Variants in SLC38A11 observed in about 807,000 individuals in gnomAD.
The protein encoded by SLC38A11 is putative sodium-coupled neutral amino acid transporter 11.
A neutral mutation model predicts 49.4 loss-of-function variants in SLC38A11; 51 were observed. The ratio of observed to expected loss-of-function variants is 1.03; its 90% confidence interval spans 0.83 to 1.30. The LOEUF is 1.30. Ranked by LOEUF, SLC38A11 falls within the 50% of genes most tolerant of loss-of-function variation. SLC38A11 has a pLI of 0.00. For synonymous variants in SLC38A11, 203 were observed against 192.9 expected (o/e 1.05, Z -0.43); for missense variants, 574 against 556.2 (o/e 1.03, Z -0.32).
chr2:164,931,029 T>C (rs1366055840), intron 7 of SLC38A11, among the ~76,000 whole-genome samples: 1 of 151,804 alleles, frequency 6.6e-6, no homozygotes, highest in Admixed American at 6.6e-5. Flanking sequence ...CCAAAAAAGA[T>C]AAGCTGATAA....
At position 164,937,337 on chromosome 2, in the gene SLC38A11, C is replaced by G. The variant is rs768930020; in HGVS notation, c.617+13G>C. ...ATAAATCAAAGACTGACAAATATAACAACATAACTTACATGTGTGGACCCA... is the reference window on the plus strand; with the variant it reads ...ATAAATCAAAGACTGACAAATATAAGAACATAACTTACATGTGTGGACCCA... On this transcript the variant is annotated intron_variant, in intron 7 of 11. Coordinates refer to ENST00000685975, the MANE Select transcript of SLC38A11 (RefSeq NM_001351537.2). 2 of 1,569,606 alleles carry G rather than the reference C, an allele frequency of 1.3e-6. No homozygotes were observed. Among genetic ancestry groups the G allele is most frequent in the Non-Finnish European group, 1.8e-6 (2 of 1,140,826 alleles).
chr2:164,943,082 A>G (rs2105507087), intron 5 of SLC38A11, among the ~76,000 whole-genome samples: 1 of 152,340 alleles, frequency 6.6e-6, no homozygotes, highest in Middle Eastern at 3.4e-3. Flanking sequence ...TGATTCAAGC[A>G]CTAAGAGGAA....
intron 7 of SLC38A11, among the ~76,000 whole-genome samples, chr2:164,931,259 A>AGG: frequency 6.6e-6 from 1 of 150,862 alleles, no homozygotes; most frequent in Non-Finnish European, 1.5e-5. Flanking sequence ...AAAAAAAAAA[A>AGG]AAATCAGAGA....
chr2:164,938,090 C>T (rs924659116), intron 6 of SLC38A11, among the ~76,000 whole-genome samples: 1 of 152,024 alleles, frequency 6.6e-6, no homozygotes, highest in Non-Finnish European at 1.5e-5. Flanking sequence ...TGTGCCTAGT[C>T]TTAATTTTTT....
At chr2:164,925,504 C>A (rs940582985) in intron 7 of SLC38A11, among the ~76,000 whole-genome samples, 45 of 152,132 alleles carry the variant, frequency 3.0e-4, no homozygotes, top group African/African-American at 1.0e-3. Context: ...CCACATCACC[C>A]TCTCCGAAAT....
chr2:164,901,737 C>T (rs1302243803), intron 11 of SLC38A11, among the ~76,000 whole-genome samples: 1 of 151,990 alleles, frequency 6.6e-6, no homozygotes, highest in Non-Finnish European at 1.5e-5. Context: ...AATTTGGATG[C>T]CTTTTATTTC....
rs572530071 is a variant in SLC38A11 at position 164,946,515 on chromosome 2, G to A, written c.230-788C>T. On this transcript the variant is annotated intron_variant, in intron 3 of 11. Transcript: ENST00000685975. ...CAGGAGGCAGAAGCTGCAGTGAGCC[G>A]AGATTCTGCCACTTCTCTCCAGCTT... Among the ~76,000 whole-genome samples, 9 of 144,200 alleles carry A rather than the reference G, an allele frequency of 6.2e-5. No individual in the cohort carries two copies. The South Asian group carries it at 1.1e-3, about 18-fold the overall frequency. 94.6% of individuals were successfully genotyped at this position (144,200 alleles called of 152,430 possible).
Position 164,939,503 on chromosome 2 carries a change from C to T in SLC38A11, c.484G>A (p.Val162Ile). 1 of 1,611,028 alleles carries T rather than the reference C, an allele frequency of 6.2e-7. No homozygotes were observed. Among genetic ancestry groups the T allele is most frequent in the African/African-American group, 1.3e-5 (1 of 74,950 alleles). ...AAGGATAAAGGCAGAGTAAAGGTAACTGTGGAAAGTCCAATAATGAAGTGG... is the reference window on the plus strand; with the variant it reads ...AAGGATAAAGGCAGAGTAAAGGTAATTGTGGAAAGTCCAATAATGAAGTGG... ...GRHFIIGLST[V>I]TFTLPLSLYR... Residue 162 changes from valine to isoleucine, a missense_variant, in exon 6 of 12, where the codon GTT (valine) becomes ATT (isoleucine). Val to Ile is a conservative substitution (Grantham distance 29). Coordinates refer to ENST00000685975, the MANE Select transcript of SLC38A11 (RefSeq NM_001351537.2).
rs1056711351 is a variant in SLC38A11, at chr2:164,894,943, C to T, written c.*3494G>A. Reference sequence around the variant, plus strand: ...TCTAAACAGATGGCTCCATCTGGCACTTTCTTATGTCCAACTTCCAGCCTT... The same window carrying T: ...TCTAAACAGATGGCTCCATCTGGCATTTTCTTATGTCCAACTTCCAGCCTT... On this transcript the variant is annotated 3_prime_UTR_variant, in exon 12 of 12. Coordinates refer to ENST00000685975, the MANE Select transcript of SLC38A11 (RefSeq NM_001351537.2). Among the ~76,000 whole-genome samples the T allele has an allele frequency of 6.6e-6, 1 of 152,086 alleles. No homozygotes were observed. Among genetic ancestry groups the T allele is most frequent in the Non-Finnish European group, 1.5e-5 (1 of 68,016 alleles).
intron 7 of SLC38A11, among the ~76,000 whole-genome samples, chr2:164,921,759 G>A (rs1226695705): frequency 6.6e-6 from 1 of 152,138 alleles, no homozygotes; most frequent in African/African-American, 2.4e-5. Context: ...AATGGTTACT[G>A]TAAAATTTAG....
At chr2:164,899,103 C>T (rs1023168074) in intron 11 of SLC38A11, among the ~76,000 whole-genome samples, 11 of 152,236 alleles carry the variant, frequency 7.2e-5, no homozygotes, top group African/African-American at 2.6e-4. Context: ...TGTGTATCCA[C>T]TATGCCCTTC....
chr2:164,945,541 G>T (rs1188319203), intron 4 of SLC38A11, 52 bp downstream of exon 4: 2 of 1,505,744 alleles, frequency 1.3e-6, no homozygotes, highest in Non-Finnish European at 1.8e-6. Flanking sequence ...ATTCAGAAAT[G>T]ACCATATGCT....
At position 164,954,596 on chromosome 2, in the gene SLC38A11, T is replaced by G. The variant is rs1049115044; in HGVS notation, c.154+35A>C. 3 of 1,135,672 alleles carry G rather than the reference T, an allele frequency of 2.6e-6. No individual in the cohort carries two copies. The African/African-American group carries it at 4.7e-5, about 18-fold the overall frequency. The allele number at this position is 1,135,672 out of a possible 1,614,324, so 70.3% of individuals were successfully genotyped here. A position where few individuals can be genotyped will look rare whatever the true frequency, so the allele number is the denominator to read the frequency against. On this transcript the variant is annotated intron_variant, in intron 2 of 11. Coordinates refer to ENST00000685975, the MANE Select transcript of SLC38A11 (RefSeq NM_001351537.2). Reference sequence around the variant, plus strand: ...GTAGCGAGTCTTAAATTTTGCCCTTTCACTTAAAATTTAAACCAAAGCAAA... The same window carrying G: ...GTAGCGAGTCTTAAATTTTGCCCTTGCACTTAAAATTTAAACCAAAGCAAA...
chr2:164,926,848 C>T lies in SLC38A11; in HGVS notation c.617+10502G>A, dbSNP rs966570432. On this transcript the variant is annotated intron_variant, in intron 7 of 11. Coordinates refer to ENST00000685975, the MANE Select transcript of SLC38A11 (RefSeq NM_001351537.2). The stretch of plus-strand genomic sequence containing the variant: ...TGGACACAGGGTGGTGAACACCACA[C>T]ACCAGGGCCTGTTGTGGGGTGGGGG... Among the ~76,000 whole-genome samples, 9 of 126,980 alleles carry T rather than the reference C, an allele frequency of 7.1e-5. 1 individual carries two copies. Among genetic ancestry groups the T allele is most frequent in the Admixed American group, 2.0e-4 (2 of 9,808 alleles). 83.3% of individuals were successfully genotyped at this position (126,980 alleles called of 152,430 possible).
intron 11 of SLC38A11, among the ~76,000 whole-genome samples, chr2:164,902,032 TC>T (rs1189713964): frequency 7.4e-6 from 1 of 135,572 alleles, no homozygotes. Flanking sequence ...GTTTTCTCTC[TC>T]TTTTTTTTTT....
intron 7 of SLC38A11, among the ~76,000 whole-genome samples, chr2:164,929,487 G>T (rs1407721930): frequency 6.6e-6 from 1 of 152,074 alleles, no homozygotes; most frequent in Non-Finnish European, 1.5e-5. Flanking sequence ...CCTTAAAAGA[G>T]AAAATTCTTT....
chr2:164,913,319 G>A (rs559474837), intron 9 of SLC38A11, among the ~76,000 whole-genome samples: 5 of 152,064 alleles, frequency 3.3e-5, no homozygotes, highest in African/African-American at 7.2e-5. Flanking sequence ...GAAGTTCCCC[G>A]TTCACTAACC....
intron 7 of SLC38A11, among the ~76,000 whole-genome samples, chr2:164,930,230 T>C (rs897584880): frequency 6.6e-6 from 1 of 151,926 alleles, no homozygotes; most frequent in African/African-American, 2.4e-5. Context: ...AAGAGACCAA[T>C]AATGAGCTCT....
intron 7 of SLC38A11, among the ~76,000 whole-genome samples, chr2:164,929,015 T>A (rs1686793274): frequency 1.3e-5 from 2 of 152,142 alleles, no homozygotes. Context: ...ATAAAGATGG[T>A]ATTTTTTTAG....
Sources: gnomAD v4.1 joint callset for allele counts (sites outside exome capture counted in the v4.1 genomes callset) on GRCh38, gnomAD v4.1.1 for gene constraint, MANE v1.5 for transcripts, NCBI Gene and HGNC (gene_info 2026-07-23, HGNC 2026-07-21) for gene names.